CAPZB: variants seen among roughly 807,000 people sequenced by gnomAD.
CAPZB encodes capping actin protein of muscle Z-line subunit beta, also known as F-actin-capping protein subunit beta.
Under a neutral mutation model 38.1 loss-of-function variants are expected in CAPZB, and 2 were observed. That is an observed-to-expected ratio of 0.05 (90% CI 0.02 to 0.17). The LOEUF is 0.17. Among genes scored for constraint, CAPZB ranks in the 10% least tolerant of loss-of-function variants. The pLI is 1.00. For missense variants in CAPZB, 161 were observed against 334.2 expected (o/e 0.48, Z 4.04); for synonymous variants, 107 against 127.4 (o/e 0.84, Z 1.08).
intron 2 of CAPZB, among the ~76,000 whole-genome samples, chr1:19,396,930 G>A (rs1482219304): frequency 6.6e-6 from 1 of 152,022 alleles, no homozygotes; most frequent in Non-Finnish European, 1.5e-5. Context: ...TCCAGCCTGG[G>A]TGACAGAGAG....
At chr1:19,448,343 G>A (rs908072111) in intron 1 of CAPZB, among the ~76,000 whole-genome samples, 9 of 152,132 alleles carry the variant, frequency 5.9e-5, no homozygotes, top group Non-Finnish European at 7.3e-5. Flanking sequence ...CCACCCTTTC[G>A]GGAGAGCATT....
chr1:19,441,532 G>C (rs1302024935), intron 1 of CAPZB, among the ~76,000 whole-genome samples: 2 of 152,124 alleles, frequency 1.3e-5, no homozygotes, highest in Admixed American at 1.3e-4. Flanking sequence ...AGTATACACA[G>C]CAGGGCATGT....
chr1:19,388,712 TG>T (rs2094216530), intron 2 of CAPZB, among the ~76,000 whole-genome samples: 1 of 152,202 alleles, frequency 6.6e-6, no homozygotes, highest in South Asian at 2.1e-4. Flanking sequence ...CTAAGAGACC[TG>T]GGTTCTAGCC....
chr1:19,485,163 GGA>G (rs2094646701), intron 1 of CAPZB, among the ~76,000 whole-genome samples: 1 of 152,194 alleles, frequency 6.6e-6, no homozygotes, highest in Non-Finnish European at 1.5e-5. Context: ...CTGGGCTATG[GGA>G]GAGACCAGCC....
chr1:19,476,175 GATAGATAGATA>G (rs2094605826), intron 1 of CAPZB, among the ~76,000 whole-genome samples: 1 of 19,958 alleles, frequency 5.0e-5, no homozygotes, highest in Admixed American at 7.7e-4. Flanking sequence ...TAAGTAGATA[GATAGATAGATA>G]GATAGATAGA....
Position 19,405,051 on chromosome 1 carries a change from G to A in CAPZB, c.93+14610C>T, listed in dbSNP as rs531502751. ...CTGTCCATATACTGCCACCTGCCGG[G>A]ACCACCAGCCCTTGAGTCCCAGGGG... On this transcript the variant is annotated intron_variant, in intron 2 of 8. Transcript: ENST00000264202. Among the ~76,000 whole-genome samples, 30 of 152,058 alleles carry A rather than the reference G, an allele frequency of 2.0e-4. 1 individual carries two copies. The highest frequency in any genetic ancestry group is 7.4e-5 in the Non-Finnish European group (5 of 68,026).
chr1:19,421,166 G>T (rs1266684953), intron 1 of CAPZB, among the ~76,000 whole-genome samples: 2 of 152,184 alleles, frequency 1.3e-5, no homozygotes, highest in Admixed American at 6.5e-5. Context: ...ACAAGCTACA[G>T]TCTCATAAAA....
In CAPZB at chr1:19,357,647, T is replaced by C; in HGVS notation, c.330-84A>G. The C allele has an allele frequency of 7.0e-7, 1 of 1,436,618 alleles. No individual in the cohort carries two copies. The highest frequency in any genetic ancestry group is 9.7e-7 in the Non-Finnish European group (1 of 1,034,446). The allele number at this position is 1,436,618 out of a possible 1,614,324, so 89.0% of individuals were successfully genotyped here. On this transcript the variant is annotated intron_variant, in intron 4 of 8. Coordinates refer to ENST00000264202, the MANE Select transcript of CAPZB (RefSeq NM_004930.5). The surrounding 1 kb of genome is among the most constrained non-coding windows in gnomAD (Gnocchi z 4.3). ...TCCCAGGCTGCTGCTCAGCAAAGAT[T>C]CTGGGATTCAGGGCCCTCCCTGCGA...
At chr1:19,406,972 G>A (rs969488691) in intron 2 of CAPZB, among the ~76,000 whole-genome samples, 3 of 152,140 alleles carry the variant, frequency 2.0e-5, no homozygotes, top group Non-Finnish European at 2.9e-5. Flanking sequence ...CAGCTAAGAC[G>A]TGGTAAAGAC....
At chr1:19,455,049 C>T (rs940978279) in intron 1 of CAPZB, among the ~76,000 whole-genome samples, 4 of 152,218 alleles carry the variant, frequency 2.6e-5, no homozygotes, top group African/African-American at 9.6e-5. Context: ...AGCCAGGATG[C>T]GGAGGGCCCG....
At chr1:19,363,260 A>AATTTTTT (rs755017379) in intron 4 of CAPZB, among the ~76,000 whole-genome samples, 2 of 123,148 alleles carry the variant, frequency 1.6e-5, no homozygotes, top group Admixed American at 9.2e-5. Context: ...TAAAAAAAAA[A>AATTTTTT]TTTTTTTTTT....
intron 1 of CAPZB, among the ~76,000 whole-genome samples, chr1:19,467,682 C>T (rs1440100417): frequency 6.6e-6 from 1 of 152,148 alleles, no homozygotes; most frequent in Non-Finnish European, 1.5e-5. Flanking sequence ...TTCAGGTGTC[C>T]CCATTAAATT....
chr1:19,394,969 C>A (rs1240930533), intron 2 of CAPZB, among the ~76,000 whole-genome samples: 1 of 152,078 alleles, frequency 6.6e-6, no homozygotes, highest in African/African-American at 2.4e-5. Context: ...CCCCACAAGC[C>A]CTGTGATCAA....
intron 1 of CAPZB, among the ~76,000 whole-genome samples, chr1:19,463,540 C>T (rs1002071411): frequency 6.6e-6 from 1 of 152,188 alleles, no homozygotes; most frequent in Non-Finnish European, 1.5e-5. Context: ...AACCTTACTC[C>T]CCACCTTAAA....
chr1:19,440,575 C>G (rs1340130410), intron 1 of CAPZB, among the ~76,000 whole-genome samples: 42 of 151,902 alleles, frequency 2.8e-4, no homozygotes. Flanking sequence ...TGTGATGTTG[C>G]TAGGTGTTTG....
At chr1:19,477,036 T>C (rs2094609404) in intron 1 of CAPZB, among the ~76,000 whole-genome samples, 1 of 152,224 alleles carries the variant, frequency 6.6e-6, no homozygotes, top group South Asian at 2.1e-4. Context: ...CCGGTTTCCT[T>C]ATCTGCAAAA....
rs1451378551 is a variant in CAPZB, at chr1:19,357,627, G to C, written c.330-64C>G. The C allele has an allele frequency of 6.4e-7, 1 of 1,556,458 alleles. No individual in the cohort carries two copies. Among genetic ancestry groups the C allele is most frequent in the African/African-American group, 1.4e-5 (1 of 73,326 alleles). ...GGACAGATCATCAGCCTGGGTCCCAGGCTGCTGCTCAGCAAAGATTCTGGG... is the reference window on the plus strand; with the variant it reads ...GGACAGATCATCAGCCTGGGTCCCACGCTGCTGCTCAGCAAAGATTCTGGG... On this transcript the variant is annotated intron_variant, in intron 4 of 8. Coordinates refer to ENST00000264202, the MANE Select transcript of CAPZB (RefSeq NM_004930.5). This position sits in a 1 kb window ranked among gnomAD's most constrained non-coding sequence, Gnocchi z 4.3.
intron 4 of CAPZB, among the ~76,000 whole-genome samples, chr1:19,373,893 CTA>C (rs1434317154): frequency 6.6e-6 from 1 of 152,022 alleles, no homozygotes; most frequent in African/African-American, 2.4e-5. Context: ...CAGGGTCTTG[CTA>C]TGTCGCCCAG....
chr1:19,387,645 T>C lies in CAPZB; in HGVS notation c.94-2019A>G, dbSNP rs545629323. On this transcript the variant is annotated intron_variant, in intron 2 of 8. Transcript: ENST00000264202. ...CAGCTCAATTTTTCCTCAATTACAG[T>C]AGAGACTGAGCAAACAGGGTCTGAA... 4.6e-5 allele frequency among the ~76,000 whole-genome samples: 7 copies of C among 152,358 alleles called. 1 individual carries two copies. The highest frequency in any genetic ancestry group is 1.4e-4 in the African/African-American group (6 of 41,598).
Sources: gnomAD v4.1 joint callset for allele counts (sites outside exome capture counted in the v4.1 genomes callset) on GRCh38, gnomAD v4.1.1 for gene constraint, Gnocchi (gnomAD v3.1) non-coding constraint, MANE v1.5 for transcripts, NCBI Gene and HGNC (gene_info 2026-07-23, HGNC 2026-07-21) for gene names.